The following IL6ST variants were observed in gnomAD, a reference collection of about 807,000 sequenced individuals.
IL6ST encodes interleukin 6 cytokine family signal transducer, also known as interleukin-6 receptor subunit beta.
IL6ST carries 24 observed loss-of-function variants against 91.3 expected under a neutral mutation model. The ratio of observed to expected loss-of-function variants is 0.26; its 90% CI spans 0.19 to 0.37. The LOEUF is 0.37. IL6ST is among the 10% of genes least tolerant of loss of function. The pLI is 1.00. For missense variants in IL6ST, 914 were observed against 1,078.5 expected (o/e 0.85, Z 2.14); for synonymous variants, 351 against 373.6 (o/e 0.94, Z 0.70).
At chr5:55,992,101 A>G (rs948656852) in intron 1 of IL6ST, among the ~76,000 whole-genome samples, 7 of 152,322 alleles carry the variant, frequency 4.6e-5, no homozygotes, top group African/African-American at 1.7e-4. Flanking sequence ...CTTTTGAAGT[A>G]TCATCTCTTA....
intron 2 of IL6ST, among the ~76,000 whole-genome samples, chr5:55,976,724 A>G (rs559854472): frequency 6.6e-6 from 1 of 152,356 alleles, no homozygotes; most frequent in East Asian, 1.9e-4. Context: ...CCTACAAATC[A>G]CTAAAAAATT....
chr5:55,948,387 T>C (rs1751410245), intron 14 of IL6ST, among the ~76,000 whole-genome samples: 1 of 152,156 alleles, frequency 6.6e-6, no homozygotes, highest in African/African-American at 2.4e-5. Context: ...ATTGCAGCCA[T>C]ATACTATTCA....
chr5:55,957,680 TTC>T (rs1220161064), intron 8 of IL6ST, among the ~76,000 whole-genome samples: 1 of 152,200 alleles, frequency 6.6e-6, no homozygotes, highest in Non-Finnish European at 1.5e-5. Flanking sequence ...CTGTCCTCAC[TTC>T]TGTTTTGTCA....
At position 55,937,501 on chromosome 5, in the gene IL6ST, GA is replaced by G; in HGVS notation, c.*3580del. 4.7e-6 allele frequency: 1 copy of G among 210,740 alleles called. No individual in the cohort carries two copies. 13.1% of individuals were successfully genotyped at this position (210,740 alleles called of 1,614,324 possible). The stretch of plus-strand genomic sequence containing the variant: ...CATCTGAATTCTGTTTATCGAGTCT[GA>G]AAAGGAACTGCTGCCAAGGACCAGT... On this transcript the variant is annotated 3_prime_UTR_variant, in exon 17 of 17. Transcript: ENST00000381298.
At position 55,952,327 on chromosome 5, in the gene IL6ST, T is replaced by C; in HGVS notation, c.1475A>G (p.Tyr492Cys). 6.2e-7 allele frequency: 1 copy of C among 1,601,096 alleles called. No individual in the cohort carries two copies. Among genetic ancestry groups the C allele is most frequent in the Non-Finnish European group, 8.5e-7 (1 of 1,170,254 alleles). ...ATATACTGGAGTAACTGTTATCAAA[T>C]AGCATTTGCTCTCTGCTAAGTTCCC... The part of the protein sequence containing the change: ...LRGNLAESKC[Y>C]LITVTPVYAD... Residue 492 changes from tyrosine to cysteine, a missense_variant, in exon 12 of 17, where the codon TAT (tyrosine) becomes TGT (cysteine). Transcript: ENST00000381298.
intron 2 of IL6ST, 76 bp from the exon 3 acceptor site, chr5:55,976,369 T>C: frequency 1.4e-6 from 1 of 716,926 alleles, no homozygotes. Flanking sequence ...CAATCTTGTT[T>C]CCATGCTGTA....
In IL6ST at chr5:55,963,369, C is replaced by T. The variant is rs761091826; in HGVS notation, c.796G>A (p.Ala266Thr). The T allele has an allele frequency of 1.9e-6, 3 of 1,579,288 alleles. No individual in the cohort carries two copies. Among genetic ancestry groups the T allele is most frequent in the Non-Finnish European group, 2.6e-6 (3 of 1,164,842 alleles). ...CAATTTACCTGGCTCCAAGTTGAGGCATCTTTGGTCCTATATTGAATGTTA... is the reference window on the plus strand; with the variant it reads ...CAATTTACCTGGCTCCAAGTTGAGGTATCTTTGGTCCTATATTGAATGTTA... ...KYNIQYRTKD[A>T]STWSQIPPED... The change falls in exon 7 of 17, where the codon GCC becomes ACC. Residue 266 changes from alanine (A) to threonine (T), a missense_variant. Physicochemically the swap from Ala to Thr is moderately conservative, Grantham distance 58. Transcript: ENST00000381298.
chr5:55,941,721 T>G lies in IL6ST; in HGVS notation c.2118A>C (p.Glu706Asp), dbSNP rs763853287. ...TGAACAGGTCCAATGATTTCAGATC[T>G]TCTGGAAAAGGCTTTTTGTCATTTG... ...IEANDKKPFP[E>D]DLKSLDLFKK... Residue 706 changes from glutamate to aspartate, a missense_variant, in exon 17 of 17, where the codon GAA becomes GAC. Coordinates refer to ENST00000381298, the MANE Select transcript of IL6ST (RefSeq NM_002184.4). 5 of 1,614,092 alleles carry G rather than the reference T, an allele frequency of 3.1e-6. No individual in the cohort carries two copies. Among genetic ancestry groups the G allele is most frequent in the Non-Finnish European group, 4.2e-6 (5 of 1,180,002 alleles).
chr5:55,976,122 T>C, intron 3 of IL6ST, 93 bp downstream of exon 3: 1 of 508,882 alleles, frequency 2.0e-6, no homozygotes, highest in Non-Finnish European at 3.3e-6. Context: ...TATATGAACA[T>C]AATAATTAAA....
intron 8 of IL6ST, among the ~76,000 whole-genome samples, chr5:55,958,262 CA>C (rs1322193608): frequency 2.0e-5 from 3 of 151,478 alleles, no homozygotes; most frequent in South Asian, 2.1e-4. Flanking sequence ...CATACCCAGC[CA>C]AAACATAAAT....
chr5:55,962,677 T>C (rs1268686154), intron 7 of IL6ST, among the ~76,000 whole-genome samples: 10 of 152,166 alleles, frequency 6.6e-5, no homozygotes, highest in Non-Finnish European at 1.3e-4. Flanking sequence ...AAAACTTTAT[T>C]TACAAAAACA....
intron 7 of IL6ST, among the ~76,000 whole-genome samples, chr5:55,961,812 T>A (rs62363897): frequency 3.3e-5 from 5 of 150,462 alleles, no homozygotes; most frequent in Admixed American, 1.3e-4. Flanking sequence ...AAAATCAACA[T>A]GCCAATTTCA....
Position 55,937,053 on chromosome 5 carries a change from A to G in IL6ST, c.*4029T>C, listed in dbSNP as rs1204295155. The G allele has an allele frequency of 5.0e-6, 1 of 200,918 alleles. No homozygotes were observed. Among genetic ancestry groups the G allele is most frequent in the Non-Finnish European group, 1.0e-5 (1 of 97,378 alleles). 12.4% of individuals were successfully genotyped at this position (200,918 alleles called of 1,614,324 possible). A position where few individuals can be genotyped will look rare whatever the true frequency, so the allele number is the denominator to read the frequency against. On this transcript the variant is annotated 3_prime_UTR_variant, in exon 17 of 17. Transcript: ENST00000381298. ...ACCTTTGAAATATCCCTTTGTTTCT[A>G]ACACATCACATTATGGTATTAATGT...
At chr5:55,961,033 G>A (rs1452275888) in intron 7 of IL6ST, among the ~76,000 whole-genome samples, 1 of 152,092 alleles carries the variant, frequency 6.6e-6, no homozygotes, top group Admixed American at 6.6e-5. Flanking sequence ...CCGCCTCCCA[G>A]GTTCAAGTGA....
intron 2 of IL6ST, among the ~76,000 whole-genome samples, chr5:55,977,580 C>T (rs1390551582): frequency 6.6e-6 from 1 of 152,148 alleles, no homozygotes; most frequent in Admixed American, 6.5e-5. Context: ...AATCCCAGCA[C>T]TTTGGGAGGC....
At chr5:55,971,350 A>T (rs1752954105) in intron 3 of IL6ST, among the ~76,000 whole-genome samples, 1 of 152,168 alleles carries the variant, frequency 6.6e-6, no homozygotes, top group Admixed American at 6.5e-5. Context: ...TTGACTGCTG[A>T]AGCACAGGAT....
chr5:55,966,321 G>A (rs1370064054), intron 5 of IL6ST, among the ~76,000 whole-genome samples: 1 of 152,158 alleles, frequency 6.6e-6, no homozygotes. Context: ...CTATGGTGAA[G>A]AATATCAGAC....
At position 55,972,634 on chromosome 5, in the gene IL6ST, T is replaced by C. The variant is rs569922352; in HGVS notation, c.65-2779A>G. Among the ~76,000 whole-genome samples the C allele has an allele frequency of 2.0e-5, 3 of 152,308 alleles. No individual in the cohort carries two copies. The East Asian group carries it at 5.8e-4, about 29-fold the overall frequency. ...CTGAGATTAAATTGTAAAAAGAAAG[T>C]ATTTTAATTAAGAAAGGTATCTGAT... On this transcript the variant is annotated intron_variant, in intron 3 of 16. Transcript: ENST00000381298.
intron 2 of IL6ST, among the ~76,000 whole-genome samples, chr5:55,982,459 A>G (rs1274658283): frequency 6.6e-6 from 1 of 152,188 alleles, no homozygotes; most frequent in Non-Finnish European, 1.5e-5. Context: ...ATAAACTGCC[A>G]GAAGTTGGTA....
Sources: gnomAD v4.1 joint callset for allele counts (sites outside exome capture counted in the v4.1 genomes callset) on GRCh38, gnomAD v4.1.1 for gene constraint, MANE v1.5 for transcripts, NCBI Gene and HGNC (gene_info 2026-07-23, HGNC 2026-07-21) for gene names.